The following PARD3B variants were observed in gnomAD, a reference collection of about 807,000 sequenced individuals.
PARD3B encodes par-3 family cell polarity regulator beta, also known as partitioning defective 3 homolog B.
A neutral mutation model predicts 130.2 loss-of-function variants in PARD3B; 103 were observed. That is an observed-to-expected ratio of 0.79 (90% CI 0.67 to 0.93). PARD3B has a LOEUF of 0.93. Among genes scored for constraint, PARD3B ranks in the 40% least tolerant of loss-of-function variants. PARD3B has a pLI of 0.00. For missense variants in PARD3B, 1,609 were observed against 1,499.2 expected (o/e 1.07, Z -1.21); for synonymous variants, 583 against 553.2 (o/e 1.05, Z -0.76).
chr2:205,155,473 T>C (rs759437243), intron 10 of PARD3B, among the ~76,000 whole-genome samples: 16 of 152,182 alleles, frequency 1.1e-4, no homozygotes, highest in Non-Finnish European at 2.4e-4. Context: ...AATACCTGGA[T>C]GCTAAATTGA....
chr2:204,676,849 T>C (rs2036574175), intron 1 of PARD3B, among the ~76,000 whole-genome samples: 1 of 152,006 alleles, frequency 6.6e-6, no homozygotes, highest in Non-Finnish European at 1.5e-5. Context: ...TTTATATTTT[T>C]AGTAGAGACA....
chr2:205,039,830 T>G (rs888523796), intron 3 of PARD3B, among the ~76,000 whole-genome samples: 3 of 152,216 alleles, frequency 2.0e-5, no homozygotes, highest in African/African-American at 7.2e-5. Flanking sequence ...TTCCCCTTAC[T>G]TCTATGCACT....
chr2:204,974,184 A>G (rs543977756), intron 3 of PARD3B, among the ~76,000 whole-genome samples: 1 of 152,336 alleles, frequency 6.6e-6, no homozygotes, highest in Admixed American at 6.5e-5. Context: ...TACAGATGGA[A>G]GAAATTTGGA....
chr2:204,785,324 C>T (rs1237647306), intron 2 of PARD3B, among the ~76,000 whole-genome samples: 2 of 152,144 alleles, frequency 1.3e-5, no homozygotes. Context: ...TGGCACCTCT[C>T]TATCTCTCTA....
chr2:205,064,692 G>GT (rs1700254531), intron 4 of PARD3B, among the ~76,000 whole-genome samples: 1 of 152,148 alleles, frequency 6.6e-6, no homozygotes, highest in Non-Finnish European at 1.5e-5. Flanking sequence ...AGTGAGTGCC[G>GT]TAAGTTCAGG....
At position 205,395,506 on chromosome 2, in the gene PARD3B, G is replaced by A. The variant is rs761585230; in HGVS notation, c.2631-5507G>A. Among the ~76,000 whole-genome samples the A allele has an allele frequency of 3.9e-5, 6 of 151,944 alleles. No individual in the cohort carries two copies. The East Asian group carries it at 7.7e-4, about 20-fold the overall frequency. ...CCTGCCTCTCCCCCAACCCCCACTC[G>A]TGTCTCTGATCTTTAAGTGTTACAG... On this transcript the variant is annotated intron_variant, in intron 18 of 22. Transcript: ENST00000406610.
intron 4 of PARD3B, among the ~76,000 whole-genome samples, chr2:205,096,160 A>G (rs1040469461): frequency 3.3e-5 from 5 of 152,096 alleles, no homozygotes; most frequent in African/African-American, 1.2e-4. Context: ...GAATTTTTAT[A>G]TGTATGTTTA....
chr2:205,377,223 G>A (rs566001107), intron 18 of PARD3B, among the ~76,000 whole-genome samples: 134 of 152,204 alleles, frequency 8.8e-4, no homozygotes, highest in African/African-American at 3.2e-3. Context: ...GGAAGAGAGT[G>A]GGTAGATGTT....
At chr2:205,483,596 C>T (rs1267519408) in intron 20 of PARD3B, among the ~76,000 whole-genome samples, 1 of 152,108 alleles carries the variant, frequency 6.6e-6, no homozygotes, top group African/African-American at 2.4e-5. Context: ...CTCTCCCTCC[C>T]CTCTCTCCTT....
intron 2 of PARD3B, among the ~76,000 whole-genome samples, chr2:204,926,991 A>T (rs1284058307): frequency 6.6e-6 from 1 of 152,132 alleles, no homozygotes; most frequent in Non-Finnish European, 1.5e-5. Flanking sequence ...TTCCAATAGT[A>T]TGTTTGGGAT....
intron 3 of PARD3B, among the ~76,000 whole-genome samples, chr2:205,047,105 C>G (rs1460366459): frequency 6.6e-6 from 1 of 152,090 alleles, no homozygotes; most frequent in Admixed American, 6.6e-5. Flanking sequence ...AATGTTGTAA[C>G]CCCAGCAAAT....
chr2:205,041,316 G>A (rs1698384949), intron 3 of PARD3B, among the ~76,000 whole-genome samples: 1 of 152,140 alleles, frequency 6.6e-6, no homozygotes, highest in African/African-American at 2.4e-5. Flanking sequence ...CAGTCAGTGG[G>A]CTGAAGCCAA....
At chr2:205,342,566 A>G (rs776461775) in intron 18 of PARD3B, among the ~76,000 whole-genome samples, 2 of 152,180 alleles carry the variant, frequency 1.3e-5, no homozygotes, top group Non-Finnish European at 2.9e-5. Context: ...CAAGACTCCA[A>G]ATAGGAGCAA....
intron 22 of PARD3B, among the ~76,000 whole-genome samples, chr2:205,601,847 C>T (rs897721959): frequency 6.6e-6 from 1 of 152,136 alleles, no homozygotes; most frequent in Admixed American, 6.5e-5. Flanking sequence ...CTTCCTTTCT[C>T]CTATTTAAAT....
chr2:205,242,551 C>T (rs1382773083), intron 15 of PARD3B, among the ~76,000 whole-genome samples: 5 of 152,112 alleles, frequency 3.3e-5, no homozygotes, highest in Non-Finnish European at 7.4e-5. Context: ...ATTGCTAGGT[C>T]GTATCTTTTG....
chr2:205,329,488 A>C (rs2043039542), intron 18 of PARD3B, among the ~76,000 whole-genome samples: 1 of 152,198 alleles, frequency 6.6e-6, no homozygotes, highest in African/African-American at 2.4e-5. Context: ...ATTAGATCAC[A>C]CACCATGAAG....
intron 3 of PARD3B, among the ~76,000 whole-genome samples, chr2:205,042,831 C>T (rs1698485880): frequency 6.6e-6 from 1 of 151,380 alleles, no homozygotes; most frequent in African/African-American, 2.4e-5. Context: ...CTCATCCCTT[C>T]TCCCTGTCCT....
At chr2:205,517,899 G>A (rs2050860283) in intron 21 of PARD3B, among the ~76,000 whole-genome samples, 1 of 152,124 alleles carries the variant, frequency 6.6e-6, no homozygotes. Context: ...GTTTTTGAGT[G>A]ATGTCTTAGT....
intron 2 of PARD3B, among the ~76,000 whole-genome samples, chr2:204,853,460 A>G (rs1212476290): frequency 6.6e-6 from 1 of 152,206 alleles, no homozygotes; most frequent in Non-Finnish European, 1.5e-5. Context: ...CCAAGAGTTC[A>G]GCAAACTGCA....
Sources: allele counts gnomAD v4.1 joint callset (sites outside exome capture counted in the v4.1 genomes callset), GRCh38; gene constraint gnomAD v4.1.1; transcripts MANE v1.5; gene names NCBI Gene and HGNC (gene_info 2026-07-23, HGNC 2026-07-21).